PTPRR: variants seen among roughly 807,000 people sequenced by gnomAD.
The protein encoded by PTPRR is receptor-type tyrosine-protein phosphatase R.
A neutral mutation model predicts 77.2 loss-of-function variants in PTPRR; 38 were observed. The observed-to-expected ratio is 0.49, with a 90% CI of 0.38 to 0.65. PTPRR has a LOEUF of 0.65. Ranked by LOEUF, PTPRR falls within the 30% of genes least tolerant of loss-of-function variation. The probability of loss-of-function intolerance (pLI) is 0.00; values close to 1 mark genes in which losing one functional copy is unlikely to be tolerated. For missense variants in PTPRR, 744 were observed against 799.2 expected, an observed-to-expected ratio of 0.93 and a Z score of 0.83; for synonymous variants, 299 against 283.1, an observed-to-expected ratio of 1.06 and a Z score of -0.57.
chr12:70,788,077 C>T (rs545258290), intron 2 of PTPRR, among the ~76,000 whole-genome samples: 70 of 152,190 alleles, frequency 4.6e-4, no homozygotes, highest in African/African-American at 1.5e-3. Context: ...AAACATTGGG[C>T]GAGGTTTTTC....
At chr12:70,814,968 A>G (rs1891874582) in intron 2 of PTPRR, among the ~76,000 whole-genome samples, 1 of 152,174 alleles carries the variant, frequency 6.6e-6, no homozygotes, top group Non-Finnish European at 1.5e-5. Flanking sequence ...TTAGGAAAAT[A>G]AAACCAATAA....
At chr12:70,788,547 C>G (rs1891368954) in intron 2 of PTPRR, among the ~76,000 whole-genome samples, 1 of 152,148 alleles carries the variant, frequency 6.6e-6, no homozygotes, top group Admixed American at 6.5e-5. Context: ...TAATTCTACT[C>G]TCCTTAGGAT....
At chr12:70,896,053 A>G (rs1213655463) in intron 1 of PTPRR, among the ~76,000 whole-genome samples, 1 of 151,092 alleles carries the variant, frequency 6.6e-6, no homozygotes, top group Non-Finnish European at 1.5e-5. Flanking sequence ...AAAGCAACAT[A>G]TCATGAAAAC....
At chr12:70,679,919 A>C (rs2137538) in intron 10 of PTPRR, among the ~76,000 whole-genome samples, 92,421 of 151,750 alleles carry the variant, frequency 0.61, 30,703 homozygotes, top group Non-Finnish European at 0.76. Flanking sequence ...GTAAGAACTT[A>C]CTCCTGCCAT....
chr12:70,663,629 A>G (rs1886875144), intron 10 of PTPRR, among the ~76,000 whole-genome samples: 1 of 152,206 alleles, frequency 6.6e-6, no homozygotes, highest in Admixed American at 6.5e-5. Flanking sequence ...ATATAATCTC[A>G]TTTTGCTTTT....
intron 2 of PTPRR, among the ~76,000 whole-genome samples, chr12:70,792,468 A>G (rs1891438581): frequency 6.6e-6 from 1 of 152,158 alleles, no homozygotes; most frequent in South Asian, 2.1e-4. Context: ...CTTTTCTGTC[A>G]TATCTTGTAT....
At chr12:70,769,975 G>T (rs1302266702) in intron 2 of PTPRR, among the ~76,000 whole-genome samples, 1 of 152,082 alleles carries the variant, frequency 6.6e-6, no homozygotes, top group Non-Finnish European at 1.5e-5. Flanking sequence ...GCTGAAACTG[G>T]ATCCCTTCCT....
Position 70,639,220 on chromosome 12 carries a change from C to T in PTPRR, c.1938G>A (p.Leu646=). The change falls in exon 14 of 14, where the codon CTG becomes CTA. Residue 646 remains leucine (L), a synonymous_variant. Transcript: ENST00000283228. ...QYEFVHHALC[L]YESRLSAETV... ...TCTCTGCTGAAAGTCTGCTCTCATA[C>T]AGGCACAGAGCATGGTGCACAAATT... 1 of 1,613,564 alleles carries T rather than the reference C, an allele frequency of 6.2e-7. No individual in the cohort carries two copies. Among genetic ancestry groups the T allele is most frequent in the Non-Finnish European group, 8.5e-7 (1 of 1,179,894 alleles).
Position 70,920,689 on chromosome 12 carries a change from A to G in PTPRR, c.-299T>C, listed in dbSNP as rs914486732. The G allele has an allele frequency of 8.7e-6, 3 of 345,268 alleles. No homozygotes were observed. The highest frequency in any genetic ancestry group is 6.3e-5 in the African/African-American group (3 of 47,760). The allele number at this position is 345,268 out of a possible 1,614,324, so 21.4% of individuals were successfully genotyped here. ...AGCCAAGGCGGAGACGGCAGGGTGG[A>G]CTCCGCGCCAGCCCAGCAGCCCAGC... is the stretch of plus-strand genomic sequence containing the variant. On this transcript the variant is annotated 5_prime_UTR_variant, in exon 1 of 14. Transcript: ENST00000283228.
intron 2 of PTPRR, among the ~76,000 whole-genome samples, chr12:70,886,435 A>G (rs1893241189): frequency 6.6e-6 from 1 of 152,184 alleles, no homozygotes; most frequent in Non-Finnish European, 1.5e-5. Flanking sequence ...TTCTTTTTCT[A>G]GGCTTTCTTA....
chr12:70,908,391 G>A (rs148883239), intron 1 of PTPRR, among the ~76,000 whole-genome samples: 87 of 152,236 alleles, frequency 5.7e-4, no homozygotes, highest in African/African-American at 1.9e-3. Flanking sequence ...ACAGTTCCGC[G>A]TGGCTGGGAA....
chr12:70,688,524 T>C (rs545888356), intron 8 of PTPRR, among the ~76,000 whole-genome samples: 69 of 152,280 alleles, frequency 4.5e-4, no homozygotes, highest in African/African-American at 1.6e-3. Context: ...AGGGCTATTA[T>C]CAAAAAGATA....
At chr12:70,732,487 T>G (rs1889694931) in intron 6 of PTPRR, among the ~76,000 whole-genome samples, 1 of 152,178 alleles carries the variant, frequency 6.6e-6, no homozygotes, top group Non-Finnish European at 1.5e-5. Flanking sequence ...CGATGTCTAA[T>G]GAGGCCAGGC....
At chr12:70,853,196 TCATATATTAATTCTCTCCATCCTTA>T (rs1408110600) in intron 2 of PTPRR, among the ~76,000 whole-genome samples, 1 of 152,210 alleles carries the variant, frequency 6.6e-6, no homozygotes, top group East Asian at 1.9e-4. Context: ...TAAGGGCTTC[TCATATATTAATTCTCTCCATCCTTA>T]CATCCACATT....
chr12:70,748,828 C>T (rs1377037467), intron 5 of PTPRR, among the ~76,000 whole-genome samples: 1 of 152,158 alleles, frequency 6.6e-6, no homozygotes, highest in Non-Finnish European at 1.5e-5. Flanking sequence ...TGAAAGAGTT[C>T]ATTCACTCTT....
At chr12:70,821,821 C>G (rs553972304) in intron 2 of PTPRR, among the ~76,000 whole-genome samples, 1 of 152,026 alleles carries the variant, frequency 6.6e-6, no homozygotes. Context: ...CCCGCCACCA[C>G]GCCTGCCTAA....
intron 3 of PTPRR, 81 bp downstream of exon 3, chr12:70,764,584 A>G (rs1412047690): frequency 2.6e-6 from 3 of 1,171,910 alleles, no homozygotes; most frequent in Non-Finnish European, 3.8e-6. Flanking sequence ...TAGCCATACA[A>G]CTATAGCATG....
At chr12:70,666,935 GTTTTTTTTTTTTTTTTTT>G (rs142691396) in intron 10 of PTPRR, among the ~76,000 whole-genome samples, 21 of 29,050 alleles carry the variant, frequency 7.2e-4, no homozygotes, top group East Asian at 8.1e-4. Context: ...GTGTTTTTCT[GTTTTTTTTTTTTTTTTTT>G]TTTTTTTTTT....
rs562558124 is a variant in PTPRR, at chr12:70,826,226, A to G, written c.358-61448T>C. 5.8e-4 allele frequency among the ~76,000 whole-genome samples: 89 copies of G among 152,316 alleles called. No homozygotes were observed. The South Asian group carries it at 0.015, about 26-fold the overall frequency. ...TGAGAAGAAAGCTGAAATTTTGTTA[A>G]CACCTTTCCTCCAATTAATCCGGAA... is the stretch of plus-strand genomic sequence containing the variant. On this transcript the variant is annotated intron_variant, in intron 2 of 13. Transcript: ENST00000283228.
Sources: gnomAD v4.1 joint callset for allele counts (sites outside exome capture counted in the v4.1 genomes callset) on GRCh38, gnomAD v4.1.1 for gene constraint, MANE v1.5 for transcripts, NCBI Gene and HGNC (gene_info 2026-07-23, HGNC 2026-07-21) for gene names.